ADGRD1: variants seen among roughly 807,000 people sequenced by gnomAD.
ADGRD1 encodes adhesion G protein-coupled receptor D1, also known as G-protein coupled receptor 133.
A neutral mutation model predicts 113.4 loss-of-function variants in ADGRD1; 77 were observed. That is an observed-to-expected ratio of 0.68 (90% CI 0.57 to 0.82). ADGRD1 has a LOEUF of 0.82. ADGRD1 is among the 40% of genes least tolerant of loss of function. The pLI is 0.00. For synonymous variants in ADGRD1, 474 were observed against 475.0 expected (o/e 1.00, Z 0.03); for missense variants, 1,036 against 1,139.1 (o/e 0.91, Z 1.30).
chr12:130,980,409 T>C (rs1428156361), intron 4 of ADGRD1, among the ~76,000 whole-genome samples: 7 of 148,428 alleles, frequency 4.7e-5, no homozygotes, highest in Admixed American at 3.4e-4. Context: ...TGGACCCTCT[T>C]TTTTTTGAGA....
intron 15 of ADGRD1, among the ~76,000 whole-genome samples, chr12:131,090,780 C>T (rs1260540771): frequency 6.6e-6 from 1 of 152,242 alleles, no homozygotes; most frequent in African/African-American, 2.4e-5. Flanking sequence ...GAGTGCATGA[C>T]CCTGCACATG....
rs1881878388 is a variant in ADGRD1 at position 131,039,338 on chromosome 12, C to G, written c.1473+24998C>G. On this transcript the variant is annotated intron_variant, in intron 13 of 24. Coordinates refer to ENST00000261654, the MANE Select transcript of ADGRD1 (RefSeq NM_198827.5). ...CCACCAGGACCCTCACGGGGTGACCCTTTCAACGCCGGGGAAATGGGGGAA... is the reference window on the plus strand; with the variant it reads ...CCACCAGGACCCTCACGGGGTGACCGTTTCAACGCCGGGGAAATGGGGGAA... Among the ~76,000 whole-genome samples the G allele has an allele frequency of 2.0e-5, 3 of 152,384 alleles. No homozygotes were observed. The South Asian group carries it at 6.2e-4, about 32-fold the overall frequency.
intron 13 of ADGRD1, among the ~76,000 whole-genome samples, chr12:131,062,323 T>C (rs567483306): frequency 6.5e-4 from 99 of 152,316 alleles, no homozygotes; most frequent in African/African-American, 2.2e-3. Flanking sequence ...ATTTGCCCAC[T>C]GAAGGATGTT....
intron 12 of ADGRD1, among the ~76,000 whole-genome samples, chr12:131,009,816 G>A (rs1159223446): frequency 6.6e-6 from 1 of 152,222 alleles, no homozygotes; most frequent in Non-Finnish European, 1.5e-5. Flanking sequence ...GTACATGTGT[G>A]GTATGTGTGT....
rs1474749632 is a variant in ADGRD1 at position 131,139,546 on chromosome 12, G to A, written c.*283G>A. ...CAGGACACAGTGGCCTGACTGTGAT[G>A]GTGCCCTTGAGCCTCCCTTCATCAC... On this transcript the variant is annotated 3_prime_UTR_variant, in exon 25 of 25. Transcript: ENST00000261654. The A allele has an allele frequency of 5.1e-6, 2 of 391,820 alleles. No individual in the cohort carries two copies. The highest frequency in any genetic ancestry group is 2.9e-5 in the South Asian group (1 of 34,502). 24.3% of individuals were successfully genotyped at this position (391,820 alleles called of 1,614,324 possible).
chr12:131,011,477 C>T (rs1877883819), intron 12 of ADGRD1, among the ~76,000 whole-genome samples: 2 of 152,126 alleles, frequency 1.3e-5, no homozygotes, highest in East Asian at 1.9e-4. Context: ...CATCCACTCG[C>T]TCACTCACTC....
chr12:131,094,399 G>A (rs976134398), intron 15 of ADGRD1, among the ~76,000 whole-genome samples: 1 of 152,292 alleles, frequency 6.6e-6, no homozygotes, highest in South Asian at 2.1e-4. Context: ...GTTCAGTCCT[G>A]TGGCTGTGGG....
chr12:130,999,066 T>C (rs1270896891), intron 8 of ADGRD1, among the ~76,000 whole-genome samples: 1 of 152,258 alleles, frequency 6.6e-6, no homozygotes, highest in Non-Finnish European at 1.5e-5. Flanking sequence ...TTTTTTATTC[T>C]ACTTCTTAAA....
chr12:131,080,706 C>T (rs529154543), intron 14 of ADGRD1, among the ~76,000 whole-genome samples: 7 of 152,202 alleles, frequency 4.6e-5, no homozygotes, highest in Non-Finnish European at 8.8e-5. Context: ...CTGCAAGCTC[C>T]GCCTCCCAGG....
At chr12:130,986,955 A>G (rs1195663660) in intron 5 of ADGRD1, 140 bp from the exon 6 acceptor site, 1 of 684,188 alleles carries the variant, frequency 1.5e-6, no homozygotes, top group Non-Finnish European at 2.5e-6. Context: ...GGTCTGTGTT[A>G]TACCTTGTAT....
Position 131,084,754 on chromosome 12 carries a change from C to A in ADGRD1, c.1671+91C>A. 2.1e-6 allele frequency: 3 copies of A among 1,410,800 alleles called. No homozygotes were observed. The highest frequency in any genetic ancestry group is 1.9e-5 in the Admixed American group (1 of 52,742). 87.4% of individuals were successfully genotyped at this position (1,410,800 alleles called of 1,614,324 possible). A position where few individuals can be genotyped will look rare whatever the true frequency, so the allele number is the denominator to read the frequency against. ...GGAGGATGCTTTGCCCGCCAGTGCC[C>A]ACGGGCCCTGGGCACATTACTCCAT... On this transcript the variant is annotated intron_variant, in intron 15 of 24. Coordinates refer to ENST00000261654, the MANE Select transcript of ADGRD1 (RefSeq NM_198827.5). The surrounding 1 kb of genome is among the most constrained non-coding windows in gnomAD (Gnocchi z 4.5).
At chr12:131,005,677 A>C (rs1205837911) in intron 11 of ADGRD1, among the ~76,000 whole-genome samples, 1 of 152,042 alleles carries the variant, frequency 6.6e-6, no homozygotes, top group Non-Finnish European at 1.5e-5. Flanking sequence ...CTCTCCCTGC[A>C]GGGGCTCTGA....
intron 15 of ADGRD1, among the ~76,000 whole-genome samples, chr12:131,092,384 G>A (rs977294208): frequency 6.6e-6 from 1 of 152,230 alleles, no homozygotes; most frequent in Non-Finnish European, 1.5e-5. Context: ...CCCGCTCAGG[G>A]TGTGCAGGCC....
chr12:131,014,082 C>G, intron 12 of ADGRD1, 117 bp from the exon 13 acceptor site: 1 of 1,011,666 alleles, frequency 9.9e-7, no homozygotes, highest in Non-Finnish European at 1.4e-6. Context: ...AAGCTTCATC[C>G]AAAGAAGATT....
chr12:131,105,783 A>G lies in ADGRD1; in HGVS notation c.1805A>G (p.Tyr602Cys), dbSNP rs765009942. The stretch of plus-strand genomic sequence containing the variant: ...GTGAGCACCATCCGGAACCAGCGCT[A>G]CCACATCCACGCCAACCTGTCCTTC... ...SSVSTIRNQR[Y>C]HIHANLSFAV... is the part of the protein sequence containing the mutation. The change falls in exon 17 of 25, where the codon TAC (tyrosine) becomes TGC (cysteine). Residue 602 changes from tyrosine to cysteine, a missense_variant. By Grantham distance (194) the Tyr-to-Cys change is radical. Transcript: ENST00000261654. 5.0e-6 allele frequency: 8 copies of G among 1,601,420 alleles called. No homozygotes were observed. The highest frequency in any genetic ancestry group is 6.8e-6 in the Non-Finnish European group (8 of 1,179,916).
At chr12:131,076,049 A>G (rs933551859) in intron 13 of ADGRD1, among the ~76,000 whole-genome samples, 2 of 152,202 alleles carry the variant, frequency 1.3e-5, no homozygotes, top group African/African-American at 4.8e-5. Context: ...AGGGTAGAGC[A>G]TAGCTGCAGA....
At chr12:131,082,236 T>A (rs1257411684) in intron 14 of ADGRD1, among the ~76,000 whole-genome samples, 2 of 152,214 alleles carry the variant, frequency 1.3e-5, no homozygotes, top group Non-Finnish European at 2.9e-5. Context: ...ACATTTTATG[T>A]ATGCATGACT....
chr12:130,977,916 G>A (rs1872523058), intron 4 of ADGRD1: 1 of 152,550 alleles, frequency 6.6e-6, no homozygotes, highest in Admixed American at 6.5e-5. Context: ...CCAAGGGAAG[G>A]GCGGGAGCCA....
At chr12:131,087,726 C>T (rs528798166) in intron 15 of ADGRD1, among the ~76,000 whole-genome samples, 1 of 55,662 alleles carries the variant, frequency 1.8e-5, no homozygotes, top group South Asian at 1.0e-3. Context: ...CCAGTCCCCA[C>T]GCCCCCCCCA....
Sources: gnomAD v4.1 joint callset for allele counts (sites outside exome capture counted in the v4.1 genomes callset) on GRCh38, gnomAD v4.1.1 for gene constraint, Gnocchi (gnomAD v3.1) non-coding constraint, MANE v1.5 for transcripts, NCBI Gene and HGNC (gene_info 2026-07-23, HGNC 2026-07-21) for gene names.